Variants in CNIH3 observed in about 807,000 individuals in gnomAD.
CNIH3 encodes protein cornichon homolog 3.
In CNIH3, 14 loss-of-function variants were observed where a neutral mutation model predicts 24.1. The ratio of observed to expected loss-of-function variants is 0.58; its 90% CI spans 0.38 to 0.91. The LOEUF (loss-of-function observed/expected upper bound fraction) is 0.91, where lower values mean the gene tolerates loss of function less well. CNIH3 is among the 40% of genes least tolerant of loss of function. The pLI, the probability that CNIH3 is intolerant of heterozygous loss-of-function variation, is 0.00. For missense variants in CNIH3, 178 were observed against 196.8 expected (o/e 0.90, Z 0.57); for synonymous variants, 68 against 73.8 (o/e 0.92, Z 0.40).
intron 1 of CNIH3, among the ~76,000 whole-genome samples, chr1:224,623,124 C>A (rs1683359808): frequency 6.6e-6 from 1 of 152,152 alleles, no homozygotes; most frequent in African/African-American, 2.4e-5. Context: ...GTCCCTGAGC[C>A]CCCTGACCTG....
chr1:224,662,825 T>C (rs1454520463), intron 1 of CNIH3, among the ~76,000 whole-genome samples: 1 of 152,216 alleles, frequency 6.6e-6, no homozygotes, highest in Non-Finnish European at 1.5e-5. Flanking sequence ...CTCACCAGTT[T>C]ATGAACATGT....
chr1:224,674,696 A>T (rs1177069602), intron 1 of CNIH3, among the ~76,000 whole-genome samples: 2 of 151,478 alleles, frequency 1.3e-5, no homozygotes, highest in African/African-American at 4.9e-5. Context: ...GTGGGTAGGG[A>T]TAGGGTTCAG....
intron 1 of CNIH3, among the ~76,000 whole-genome samples, chr1:224,675,410 CAA>C (rs1686090181): frequency 6.6e-6 from 1 of 152,054 alleles, no homozygotes; most frequent in South Asian, 2.1e-4. Context: ...TTCTTAGATT[CAA>C]AAGAGTTCAT....
intron 1 of CNIH3, among the ~76,000 whole-genome samples, chr1:224,619,165 G>A (rs1683166309): frequency 6.6e-6 from 1 of 152,240 alleles, no homozygotes; most frequent in Non-Finnish European, 1.5e-5. Flanking sequence ...ATTGGTCCCT[G>A]AAGCAGAGCA....
chr1:224,457,271 CTCTCTGTGTGTGTGTGTG>C (rs1427043799), intron 1 of CNIH3, among the ~76,000 whole-genome samples: 17 of 82,266 alleles, frequency 2.1e-4, no homozygotes, highest in African/African-American at 3.9e-4. Flanking sequence ...CCTCCTCTCT[CTCTCTGTGTGTGTGTGTG>C]TGTGTGTGTG....
chr1:224,629,868 T>A (rs1683733640), intron 1 of CNIH3, among the ~76,000 whole-genome samples: 2 of 152,170 alleles, frequency 1.3e-5, no homozygotes, highest in Non-Finnish European at 2.9e-5. Context: ...CTTAAGTATC[T>A]GGTCTGTTTT....
intron 3 of CNIH3, among the ~76,000 whole-genome samples, chr1:224,720,664 G>A (rs1436175): frequency 0.47 from 72,036 of 151,822 alleles, 17,630 homozygotes; most frequent in African/African-American, 0.59. Flanking sequence ...TGAGTAACTA[G>A]AGGCAGAAGA....
At chr1:224,694,992 T>C (rs1470704058) in intron 3 of CNIH3, among the ~76,000 whole-genome samples, 1 of 151,992 alleles carries the variant, frequency 6.6e-6, no homozygotes, top group Non-Finnish European at 1.5e-5. Flanking sequence ...CAGTGTACAC[T>C]GCTCAGGTGA....
At chr1:224,677,952 C>T (rs1223770478) in intron 1 of CNIH3, among the ~76,000 whole-genome samples, 2 of 152,166 alleles carry the variant, frequency 1.3e-5, no homozygotes, top group Non-Finnish European at 2.9e-5. Context: ...GTCTTTATAA[C>T]TGTATAGATA....
intron 3 of CNIH3, among the ~76,000 whole-genome samples, chr1:224,725,120 G>A (rs899114080): frequency 6.6e-5 from 10 of 152,186 alleles, no homozygotes; most frequent in African/African-American, 2.4e-4. Context: ...TGAGGCAGGA[G>A]AATCACTTGA....
intron 1 of CNIH3, among the ~76,000 whole-genome samples, chr1:224,632,516 T>A (rs1045142772): frequency 6.6e-6 from 1 of 152,056 alleles, no homozygotes; most frequent in African/African-American, 2.4e-5. Flanking sequence ...TCCAATGGGG[T>A]TCTAATTGCA....
At chr1:224,523,238 CAAAA>C (rs879799320) in intron 2 of CNIH3, among the ~76,000 whole-genome samples, 1 of 133,558 alleles carries the variant, frequency 7.5e-6, no homozygotes, top group African/African-American at 2.8e-5. Context: ...GACCCTGTCT[CAAAA>C]AAAAAAAAAG....
intron 3 of CNIH3, among the ~76,000 whole-genome samples, chr1:224,556,586 A>G (rs1363122381): frequency 6.6e-6 from 1 of 152,182 alleles, no homozygotes; most frequent in African/African-American, 2.4e-5. Context: ...TGGTTTCAGG[A>G]TGAAACTGTT....
In CNIH3 at chr1:224,648,428, AAG is replaced by A. The variant is rs1344540369; in HGVS notation, c.81+31175_81+31176del. On this transcript the variant is annotated intron_variant, in intron 1 of 5. Coordinates refer to ENST00000272133, the MANE Select transcript of CNIH3 (RefSeq NM_152495.2). ...TCTGTCTCAGGAAAAAAAAAAAAAA[AAG>A]AAAAGAAAATGGTAATGAGACCTGT... is the stretch of plus-strand genomic sequence containing the variant. Among the ~76,000 whole-genome samples, 389 of 150,694 alleles carry A rather than the reference AAG, an allele frequency of 2.6e-3. 2 individuals carry two copies. The highest frequency in any genetic ancestry group is 9.0e-3 in the African/African-American group (362 of 40,300).
In CNIH3 at chr1:224,543,077, A is replaced by T. The variant is rs1679572538; in HGVS notation, n.340-3752A>T. On this transcript the variant is annotated intron_variant and non_coding_transcript_variant, in intron 2 of 5. Transcript: ENST00000471578. ...GATTAGAAGGTTGGAGCTTTGAGCT[A>T]TGTGATATCAGCCGGATCTCTGGAG... Among the ~76,000 whole-genome samples the T allele has an allele frequency of 2.0e-5, 3 of 152,212 alleles. No homozygotes were observed. The South Asian group carries it at 6.2e-4, about 31-fold the overall frequency.
At chr1:224,576,329 T>C (rs114208331) in intron 4 of CNIH3, among the ~76,000 whole-genome samples, 1,860 of 152,360 alleles carry the variant, frequency 0.012, 40 homozygotes, top group African/African-American at 0.042. Context: ...GTTATATATG[T>C]ACATAGTTTA....
intron 3 of CNIH3, among the ~76,000 whole-genome samples, chr1:224,705,958 G>C (rs191054884): frequency 1.4e-5 from 2 of 142,042 alleles, no homozygotes; most frequent in African/African-American, 5.2e-5. Context: ...GTTGGAGTCT[G>C]TGTGCTTCTG....
chr1:224,677,114 C>T (rs887151531), intron 1 of CNIH3, among the ~76,000 whole-genome samples: 7 of 152,170 alleles, frequency 4.6e-5, no homozygotes, highest in Non-Finnish European at 8.8e-5. Flanking sequence ...GTTTCTTCTT[C>T]TCTGAAATGG....
intron 1 of CNIH3, among the ~76,000 whole-genome samples, chr1:224,488,784 T>C (rs1457207531): frequency 1.6e-5 from 1 of 60,968 alleles, no homozygotes; most frequent in Non-Finnish European, 3.9e-5. Flanking sequence ...TAGTAATTTT[T>C]AAATTTTAGA....
Sources: gnomAD v4.1 joint callset for allele counts (sites outside exome capture counted in the v4.1 genomes callset) on GRCh38, gnomAD v4.1.1 for gene constraint, MANE v1.5 for transcripts, NCBI Gene and HGNC (gene_info 2026-07-23, HGNC 2026-07-21) for gene names.